ASAP1: variants seen among roughly 807,000 people sequenced by gnomAD.
ASAP1 encodes ArfGAP with SH3 domain, ankyrin repeat and PH domain 1.
In ASAP1, 43 loss-of-function variants were observed where a neutral mutation model predicts 145.2. The ratio of observed to expected loss-of-function variants is 0.30; its 90% CI spans 0.23 to 0.38. ASAP1 has a LOEUF of 0.38. Ranked by LOEUF, ASAP1 falls within the 10% of genes least tolerant of loss-of-function variation. ASAP1 has a pLI of 1.00. For synonymous variants in ASAP1, 546 were observed against 515.5 expected (o/e 1.06, Z -0.80); for missense variants, 1,018 against 1,355.3 (o/e 0.75, Z 3.91).
chr8:130,431,958 G>T (rs1262696974), intron 1 of ASAP1, among the ~76,000 whole-genome samples: 1 of 128,554 alleles, frequency 7.8e-6, no homozygotes, highest in Non-Finnish European at 1.7e-5. Context: ...GGAGGAAGGA[G>T]GAGGAGGGGG....
chr8:130,154,606 T>C (rs114503506), intron 12 of ASAP1, among the ~76,000 whole-genome samples: 249 of 152,314 alleles, frequency 1.6e-3, no homozygotes, highest in African/African-American at 5.8e-3. Flanking sequence ...AACAGTATCA[T>C]CTTATGTTTT....
intron 3 of ASAP1, among the ~76,000 whole-genome samples, chr8:130,298,899 C>T (rs1210603613): frequency 6.6e-6 from 1 of 152,182 alleles, no homozygotes; most frequent in African/African-American, 2.4e-5. Context: ...TCTGCCCGAC[C>T]AGATTACAGG....
chr8:130,383,298 A>C (rs1827864103), intron 2 of ASAP1, among the ~76,000 whole-genome samples: 2 of 152,202 alleles, frequency 1.3e-5, no homozygotes, highest in African/African-American at 4.8e-5. Context: ...GCCTGCAGCC[A>C]GTGAGCGTGG....
chr8:130,379,213 C>T (rs1303995053), intron 2 of ASAP1, among the ~76,000 whole-genome samples: 3 of 152,102 alleles, frequency 2.0e-5, no homozygotes, highest in Non-Finnish European at 4.4e-5. Flanking sequence ...TGGCACGTCC[C>T]GAGAGGGCAT....
At chr8:130,191,092 CT>C (rs1815107996) in intron 5 of ASAP1, among the ~76,000 whole-genome samples, 1 of 149,460 alleles carries the variant, frequency 6.7e-6, no homozygotes, top group Non-Finnish European at 1.5e-5. Flanking sequence ...TGGCCTGAGT[CT>C]CCTTGATTTT....
intron 12 of ASAP1, among the ~76,000 whole-genome samples, chr8:130,159,250 G>A (rs962977264): frequency 6.6e-6 from 1 of 152,088 alleles, no homozygotes; most frequent in African/African-American, 2.4e-5. Flanking sequence ...TATAATACAA[G>A]AGGCAAAAGA....
intron 2 of ASAP1, among the ~76,000 whole-genome samples, chr8:130,385,578 A>G (rs527585451): frequency 1.3e-5 from 2 of 152,330 alleles, no homozygotes; most frequent in African/African-American, 4.8e-5. Flanking sequence ...CTCAGTTACC[A>G]GGTGGGTAGG....
At chr8:130,352,862 C>A (rs1224429988) in intron 3 of ASAP1, among the ~76,000 whole-genome samples, 2 of 152,218 alleles carry the variant, frequency 1.3e-5, no homozygotes, top group Non-Finnish European at 2.9e-5. Flanking sequence ...TCTATATCTT[C>A]AGAAATAACT....
intron 23 of ASAP1, among the ~76,000 whole-genome samples, chr8:130,112,754 T>C (rs1465393410): frequency 6.6e-6 from 1 of 152,198 alleles, no homozygotes; most frequent in Non-Finnish European, 1.5e-5. Context: ...TCTCATTTTA[T>C]ATCCCCCTGC....
chr8:130,175,535 G>GT (rs576591037), intron 9 of ASAP1, among the ~76,000 whole-genome samples: 3 of 151,896 alleles, frequency 2.0e-5, no homozygotes, highest in Admixed American at 1.3e-4. Flanking sequence ...CTGTTGTTGA[G>GT]TTTTTTTTAT....
intron 10 of ASAP1, among the ~76,000 whole-genome samples, chr8:130,167,893 T>C (rs937483408): frequency 2.6e-5 from 4 of 152,226 alleles, no homozygotes; most frequent in East Asian, 1.9e-4. Context: ...AAACAGCTTA[T>C]ATCATTGAGA....
intron 3 of ASAP1, chr8:130,247,017 AG>A (rs1818891971): frequency 6.6e-6 from 1 of 152,198 alleles, no homozygotes; most frequent in African/African-American, 2.4e-5. Context: ...TACCATCTTG[AG>A]AGGTGTAAAG....
intron 15 of ASAP1, 27 bp from the exon 16 acceptor site, chr8:130,128,117 A>G (rs749955054): frequency 7.2e-7 from 1 of 1,392,926 alleles, no homozygotes; most frequent in Admixed American, 2.7e-5. Flanking sequence ...AAGAGGAAAA[A>G]AGTCTTTATA....
chr8:130,424,574 C>G (rs1438611893), intron 1 of ASAP1, among the ~76,000 whole-genome samples: 1 of 152,118 alleles, frequency 6.6e-6, no homozygotes, highest in East Asian at 1.9e-4. Context: ...GGAAGAGATA[C>G]TGGCTGGAAA....
intron 4 of ASAP1, among the ~76,000 whole-genome samples, chr8:130,222,759 T>A (rs1817366656): frequency 6.6e-6 from 1 of 152,246 alleles, no homozygotes; most frequent in African/African-American, 2.4e-5. Context: ...TCCTGCATTA[T>A]CTCGTTCAGT....
rs569026227 is a variant in ASAP1, at chr8:130,109,774, G to A, written c.2401+2320C>T. On this transcript the variant is annotated intron_variant, in intron 24 of 29. Coordinates refer to ENST00000518721, the MANE Select transcript of ASAP1 (RefSeq NM_018482.4). ...CATTATCAGTTTTCCAAATGTAAGC[G>A]CATGTGAGCTGAGCTAGCTATGGGA... Among the ~76,000 whole-genome samples, 21 of 152,258 alleles carry A rather than the reference G, an allele frequency of 1.4e-4. No individual in the cohort carries two copies. In the South Asian group the frequency reaches 4.2e-3, roughly 30 times the overall value.
intron 13 of ASAP1, among the ~76,000 whole-genome samples, chr8:130,143,786 G>C (rs1055347342): frequency 6.6e-6 from 1 of 152,176 alleles, no homozygotes; most frequent in Non-Finnish European, 1.5e-5. Context: ...AGCTTAGTGT[G>C]CACCATGGTT....
At chr8:130,079,128 G>A (rs2135305775) in intron 26 of ASAP1, among the ~76,000 whole-genome samples, 1 of 152,328 alleles carries the variant, frequency 6.6e-6, no homozygotes, top group Non-Finnish European at 1.5e-5. Flanking sequence ...CCAGGAGGTT[G>A]AGGCTACAGT....
In ASAP1 at chr8:130,060,999, T is replaced by C. The variant is rs755540573; in HGVS notation, c.2772A>G (p.Ser924=). ...TTTGTGGCAACTCTGCCAACTGTGA[T>C]GATTTCTGAAAGATTTCGGGCGGGA... is the stretch of plus-strand genomic sequence containing the variant. ...ATIPPEIFQK[S]SQLAELPQKP... is the part of the protein sequence containing the mutation. The change falls in exon 28 of 30, where the codon TCA becomes TCG. Residue 924 remains serine (S), a synonymous_variant. Coordinates refer to ENST00000518721, the MANE Select transcript of ASAP1 (RefSeq NM_018482.4). The C allele has an allele frequency of 9.6e-6, 15 of 1,569,250 alleles. No individual in the cohort carries two copies. The Middle Eastern group carries it at 5.2e-4, about 54-fold the overall frequency.
Sources: allele counts gnomAD v4.1 joint callset (sites outside exome capture counted in the v4.1 genomes callset), GRCh38; gene constraint gnomAD v4.1.1; transcripts MANE v1.5; gene names NCBI Gene and HGNC (gene_info 2026-07-23, HGNC 2026-07-21).